Variants in IDNK observed in about 807,000 individuals in gnomAD.
The protein encoded by IDNK is gluconokinase.
IDNK carries 9 observed loss-of-function variants against 13.0 expected under a neutral mutation model. The ratio of observed to expected loss-of-function variants is 0.69; its 90% CI spans 0.42 to 1.21. The LOEUF (loss-of-function observed/expected upper bound fraction) is 1.21, where lower values mean the gene tolerates loss of function less well. Among genes scored for constraint, IDNK ranks in the 50% most tolerant of loss-of-function variants. IDNK has a pLI of 0.00. For missense variants in IDNK, 210 were observed against 237.8 expected, an observed-to-expected ratio of 0.88 and a Z score of 0.77; for synonymous variants, 92 against 94.9, an observed-to-expected ratio of 0.97 and a Z score of 0.18.
chr9:83,627,902 G>A, intron 1 of IDNK: 1 of 435,104 alleles, frequency 2.3e-6, no homozygotes, highest in Admixed American at 5.3e-5. Context: ...ACCAAAAACT[G>A]ATTACTGAAG....
At chr9:83,638,700 T>G (rs1381227814) in intron 3 of IDNK, among the ~76,000 whole-genome samples, 1 of 152,052 alleles carries the variant, frequency 6.6e-6, no homozygotes, top group Non-Finnish European at 1.5e-5. Context: ...AAAAGAGACT[T>G]CTCAACAATA....
chr9:83,643,325 C>T (rs752296388), intron 4 of IDNK, 104 bp from the exon 5 acceptor site: 129 of 854,710 alleles, frequency 1.5e-4, no homozygotes, highest in Non-Finnish European at 2.0e-4. Flanking sequence ...ATGCCTTCCA[C>T]TGGCAGGAAG....
intron 1 of IDNK, chr9:83,623,433 T>A: frequency 1.8e-6 from 1 of 557,550 alleles, no homozygotes. Context: ...GCATCCGAGC[T>A]CCGGGTTCCC....
chr9:83,627,440 C>T (rs1374798839), intron 1 of IDNK, among the ~76,000 whole-genome samples: 1 of 152,128 alleles, frequency 6.6e-6, no homozygotes. Flanking sequence ...TCATGTGGCT[C>T]AGATCCCTTG....
chr9:83,627,218 A>G (rs550773036), intron 1 of IDNK, among the ~76,000 whole-genome samples: 6 of 152,368 alleles, frequency 3.9e-5, no homozygotes, highest in South Asian at 4.1e-4. Context: ...AATTAGGAAG[A>G]TAGTGCTTAA....
chr9:83,641,817 A>G (rs1205256940), intron 4 of IDNK, among the ~76,000 whole-genome samples: 6 of 152,234 alleles, frequency 3.9e-5, no homozygotes, highest in African/African-American at 1.4e-4. Context: ...AGCTCCACAC[A>G]GTTACTAGCT....
At chr9:83,625,621 ATCAAGT>A (rs1564143445) in intron 1 of IDNK, among the ~76,000 whole-genome samples, 1 of 152,262 alleles carries the variant, frequency 6.6e-6, no homozygotes, top group African/African-American at 2.4e-5. Context: ...ATGTAGCAAC[ATCAAGT>A]TCTTTAGTGA....
chr9:83,643,578 T>C lies in IDNK; in HGVS notation c.362T>C (p.Val121Ala), dbSNP rs769917324. 1 of 1,614,000 alleles carries C rather than the reference T, an allele frequency of 6.2e-7. No homozygotes were observed. Among genetic ancestry groups the C allele is most frequent in the South Asian group, 1.1e-5 (1 of 91,064 alleles). ...EAKQAEMQLL[V>A]VHLSGSFEVI... ...AAGCAGGCTGAGATGCAGCTCCTGG[T>C]GGTCCATCTGAGCGGGTCGTTTGAG... The change falls in exon 5 of 5, where the codon GTG becomes GCG. Residue 121 changes from valine (V) to alanine (A), a missense_variant. Transcript: ENST00000376419.
chr9:83,634,099 A>T (rs1831100786), intron 3 of IDNK, among the ~76,000 whole-genome samples: 1 of 152,206 alleles, frequency 6.6e-6, no homozygotes, highest in African/African-American at 2.4e-5. Context: ...CTTGGAAAAA[A>T]CCTTTCTCCT....
chr9:83,639,807 T>C (rs1245924236), intron 3 of IDNK, among the ~76,000 whole-genome samples: 5 of 152,192 alleles, frequency 3.3e-5, no homozygotes, highest in South Asian at 4.1e-4. Context: ...CTGTATAATT[T>C]ATAGTAAGGG....
chr9:83,623,073 C>A, upstream of IDNK: 1 of 977,156 alleles, frequency 1.0e-6, no homozygotes, highest in Non-Finnish European at 1.4e-6. Context: ...ACGGCCCTCA[C>A]TGCCCCGGCC....
Position 83,644,065 on chromosome 9 carries a change from T to C in IDNK, c.*285T>C. On this transcript the variant is annotated 3_prime_UTR_variant, in exon 5 of 5. Transcript: ENST00000376419. ...GTAATCAATGCTGGAAATCGTTACA[T>C]TGTTTAGAACATTCTTGCTCATGCC... 1.1e-5 allele frequency: 4 copies of C among 349,138 alleles called. No individual in the cohort carries two copies. The highest frequency in any genetic ancestry group is 9.5e-5 in the South Asian group (3 of 31,624). 21.6% of individuals were successfully genotyped at this position (349,138 alleles called of 1,614,324 possible).
chr9:83,623,079 C>G (rs1407071369), upstream of IDNK: 63 of 1,060,804 alleles, frequency 5.9e-5, no homozygotes, highest in Non-Finnish European at 2.4e-5. Flanking sequence ...CTCACTGCCC[C>G]GGCCGGGGCG....
At position 83,643,625 on chromosome 9, in the gene IDNK, A is replaced by G. The variant is rs1831378632; in HGVS notation, c.409A>G (p.Lys137Glu). Residue 137 changes from lysine (K) to glutamate (E), a missense_variant, in exon 5 of 5, where the codon AAA becomes GAA. Coordinates refer to ENST00000376419, the MANE Select transcript of IDNK (RefSeq NM_001001551.4). ...SFEVISGRLLKREGHFMPPEL... is the reference protein window; with the variant it reads ...SFEVISGRLLEREGHFMPPEL... Reference sequence around the variant, plus strand: ...TGAGGTCATCTCTGGACGCTTACTCAAAAGAGAGGGACATTTTATGCCCCC... The same window carrying G: ...TGAGGTCATCTCTGGACGCTTACTCGAAAGAGAGGGACATTTTATGCCCCC... 3 of 1,613,926 alleles carry G rather than the reference A, an allele frequency of 1.9e-6. No individual in the cohort carries two copies. Among genetic ancestry groups the G allele is most frequent in the Non-Finnish European group, 2.5e-6 (3 of 1,180,016 alleles).
At chr9:83,641,463 G>C in intron 3 of IDNK, 85 bp from the exon 4 acceptor site, 1 of 1,468,042 alleles carries the variant, frequency 6.8e-7, no homozygotes, top group Non-Finnish European at 9.5e-7. Context: ...TAACATTTGT[G>C]AACATGATAT....
intron 3 of IDNK, among the ~76,000 whole-genome samples, chr9:83,639,302 C>A (rs989426887): frequency 3.9e-5 from 6 of 152,156 alleles, no homozygotes; most frequent in African/African-American, 1.4e-4. Context: ...GATGCAGTTA[C>A]AACATTACTT....
intron 3 of IDNK, among the ~76,000 whole-genome samples, chr9:83,637,201 C>G (rs1344239469): frequency 6.6e-6 from 1 of 152,204 alleles, no homozygotes. Context: ...ATTTGAACTC[C>G]TAAGTGATCT....
upstream of IDNK, chr9:83,623,044 G>A (rs1018783422): frequency 4.9e-6 from 3 of 606,814 alleles, no homozygotes; most frequent in Middle Eastern, 4.9e-4. Context: ...GCGGGAAAAC[G>A]GGGAGGGCGC....
chr9:83,639,777 G>C (rs560762819), intron 3 of IDNK, among the ~76,000 whole-genome samples: 17 of 152,340 alleles, frequency 1.1e-4, no homozygotes, highest in African/African-American at 4.1e-4. Context: ...TTTGGCTTAA[G>C]CAGCAGAAGG....
Sources: gnomAD v4.1 joint callset for allele counts (sites outside exome capture counted in the v4.1 genomes callset) on GRCh38, gnomAD v4.1.1 for gene constraint, MANE v1.5 for transcripts, NCBI Gene and HGNC (gene_info 2026-07-23, HGNC 2026-07-21) for gene names.